The following HDAC4 variants were observed in gnomAD, a reference collection of about 807,000 sequenced individuals.
HDAC4 encodes the protein histone deacetylase A.
In HDAC4, 16 loss-of-function variants were observed where a neutral mutation model predicts 135.1. The observed-to-expected ratio is 0.12, with a 90% CI of 0.08 to 0.18. The LOEUF (loss-of-function observed/expected upper bound fraction) is 0.18, where lower values mean the gene tolerates loss of function less well. Among genes scored for constraint, HDAC4 ranks in the 10% least tolerant of loss-of-function variants. The pLI, the probability that HDAC4 is intolerant of heterozygous loss-of-function variation, is 1.00. For synonymous variants in HDAC4, 685 were observed against 653.4 expected (o/e 1.05, Z -0.74); for missense variants, 1,143 against 1,511.8 (o/e 0.76, Z 4.05).
chr2:239,371,659 G>T (rs1386461516), intron 1 of HDAC4, among the ~76,000 whole-genome samples: 1 of 151,902 alleles, frequency 6.6e-6, no homozygotes, highest in Admixed American at 6.6e-5. Flanking sequence ...ACATACGCAC[G>T]GACTCACTCA....
At chr2:239,226,206 T>C (rs184243575) in intron 3 of HDAC4, among the ~76,000 whole-genome samples, 49 of 152,282 alleles carry the variant, frequency 3.2e-4, no homozygotes, top group East Asian at 1.4e-3. Flanking sequence ...AATGATGTCA[T>C]GATGCAAAAA....
chr2:239,081,269 G>T, intron 21 of HDAC4, 77 bp from the exon 22 acceptor site: 1 of 1,248,464 alleles, frequency 8.0e-7, no homozygotes, highest in South Asian at 1.3e-5. Context: ...GATGCAGGTG[G>T]CACCGGGATG....
intron 17 of HDAC4, chr2:239,093,962 TTC>T (rs1199391697): frequency 1.0e-6 from 1 of 985,276 alleles, no homozygotes; most frequent in Non-Finnish European, 1.2e-6. Context: ...TTTATTCTCT[TTC>T]TGACGGGATA....
intron 2 of HDAC4, among the ~76,000 whole-genome samples, chr2:239,274,253 A>G (rs2050222300): frequency 6.6e-6 from 1 of 152,212 alleles, no homozygotes; most frequent in Non-Finnish European, 1.5e-5. Flanking sequence ...CTGGGCTCAC[A>G]ATTGTGGAAG....
chr2:239,098,578 C>T (rs1002302805), intron 16 of HDAC4, among the ~76,000 whole-genome samples: 1 of 152,250 alleles, frequency 6.6e-6, no homozygotes, highest in Non-Finnish European at 1.5e-5. Flanking sequence ...CCTAGGGCAG[C>T]GGCCAGCCTG....
chr2:239,163,554 C>G (rs1251392889), intron 6 of HDAC4, among the ~76,000 whole-genome samples: 1 of 152,014 alleles, frequency 6.6e-6, no homozygotes, highest in African/African-American at 2.4e-5. Flanking sequence ...GCAGGGGCAG[C>G]TGCCGTGTGA....
intron 8 of HDAC4, among the ~76,000 whole-genome samples, chr2:239,142,861 G>A (rs1054761681): frequency 2.8e-5 from 4 of 145,072 alleles, no homozygotes; most frequent in African/African-American, 1.0e-4. Context: ...GCTCAGCACT[G>A]ATCACGCCCT....
chr2:239,336,684 G>A (rs923717134), intron 2 of HDAC4, among the ~76,000 whole-genome samples: 1 of 152,216 alleles, frequency 6.6e-6, no homozygotes, highest in Admixed American at 6.5e-5. Flanking sequence ...AGACAGTAGA[G>A]AGAGCTGCCA....
Position 239,400,134 on chromosome 2 carries a change from G to C in HDAC4, c.-220+844C>G, listed in dbSNP as rs1696850358. On this transcript the variant is annotated intron_variant, in intron 1 of 26. Coordinates refer to ENST00000543185, the MANE Select transcript of HDAC4 (RefSeq NM_001378414.1). The surrounding 1 kb of genome is among the most constrained non-coding windows in gnomAD (Gnocchi z 4.7). ...AAACGCGGATCCCACCCCCGAGCGG[G>C]ACCGGGCCCCGTCTCGGCCTGCTGG... Among the ~76,000 whole-genome samples, 1 of 151,770 alleles carries C rather than the reference G, an allele frequency of 6.6e-6. No homozygotes were observed. Among genetic ancestry groups the C allele is most frequent in the African/African-American group, 2.4e-5 (1 of 41,378 alleles).
chr2:239,277,734 C>T (rs532276003), intron 2 of HDAC4, among the ~76,000 whole-genome samples: 1 of 152,352 alleles, frequency 6.6e-6, no homozygotes, highest in East Asian at 1.9e-4. Flanking sequence ...ACTTCCAGAA[C>T]GCCCAACAGC....
intron 4 of HDAC4, 48 bp downstream of exon 4, chr2:239,189,785 G>A (rs1196746001): frequency 6.4e-7 from 1 of 1,561,480 alleles, no homozygotes; most frequent in Non-Finnish European, 8.7e-7. Flanking sequence ...ACCGGGAGTT[G>A]AGGGTGCCGG....
At chr2:239,067,309 C>T (rs1353980506) in intron 23 of HDAC4, among the ~76,000 whole-genome samples, 1 of 152,154 alleles carries the variant, frequency 6.6e-6, no homozygotes, top group Non-Finnish European at 1.5e-5. Flanking sequence ...TGGCTTTGAT[C>T]AAGAGCCACA....
At chr2:239,088,806 C>A (rs2036230782) in intron 18 of HDAC4, among the ~76,000 whole-genome samples, 1 of 152,206 alleles carries the variant, frequency 6.6e-6, no homozygotes, top group African/African-American at 2.4e-5. Context: ...CACGGCTCTG[C>A]CCCTGTGAGC....
intron 3 of HDAC4, among the ~76,000 whole-genome samples, chr2:239,232,251 T>C (rs889661507): frequency 2.6e-5 from 4 of 152,134 alleles, no homozygotes; most frequent in African/African-American, 9.7e-5. Flanking sequence ...AATGACTGAG[T>C]AGTAATAGTT....
chr2:239,159,036 A>C (rs1253494496), intron 6 of HDAC4, among the ~76,000 whole-genome samples: 3 of 150,190 alleles, frequency 2.0e-5, no homozygotes, highest in East Asian at 2.0e-4. Context: ...ATTCACACCC[A>C]CACACACCTC....
At chr2:239,369,732 G>A (rs935303496) in intron 1 of HDAC4, among the ~76,000 whole-genome samples, 18 of 152,228 alleles carry the variant, frequency 1.2e-4, no homozygotes, top group African/African-American at 3.1e-4. Context: ...TGGATGACAC[G>A]GCCCATGACG....
chr2:239,152,152 C>T (rs1046283608), intron 7 of HDAC4, among the ~76,000 whole-genome samples: 1 of 152,168 alleles, frequency 6.6e-6, no homozygotes, highest in Non-Finnish European at 1.5e-5. Flanking sequence ...AATGACAAAA[C>T]GTTGCTTGCT....
intron 2 of HDAC4, among the ~76,000 whole-genome samples, chr2:239,284,847 G>A (rs1180030332): frequency 1.3e-5 from 2 of 152,324 alleles, no homozygotes; most frequent in East Asian, 1.9e-4. Flanking sequence ...TGCAGACTGG[G>A]GAGACCCAGG....
intron 13 of HDAC4, among the ~76,000 whole-genome samples, chr2:239,111,988 G>A (rs988947651): frequency 1.3e-5 from 2 of 152,164 alleles, no homozygotes; most frequent in African/African-American, 4.8e-5. Context: ...CCTGCCATGG[G>A]TTACGTTAAC....
Sources: allele counts gnomAD v4.1 joint callset (sites outside exome capture counted in the v4.1 genomes callset), GRCh38; gene constraint gnomAD v4.1.1; non-coding constraint Gnocchi (gnomAD v3.1); transcripts MANE v1.5; gene names NCBI Gene and HGNC (gene_info 2026-07-23, HGNC 2026-07-21).